The following TRIO variants were observed in gnomAD, a reference collection of about 807,000 sequenced individuals.
TRIO encodes the protein triple functional domain protein.
Under a neutral mutation model 351.9 loss-of-function variants are expected in TRIO, and 58 were observed. The observed-to-expected ratio is 0.16, with a 90% CI of 0.13 to 0.21. The LOEUF (loss-of-function observed/expected upper bound fraction) is 0.21. Ranked by LOEUF, TRIO falls within the 10% of genes least tolerant of loss-of-function variation. The pLI is 1.00. For synonymous variants in TRIO, 1,758 were observed against 1,595.7 expected, an observed-to-expected ratio of 1.10 and a Z score of -2.42; for missense variants, 3,201 against 4,027.8, an observed-to-expected ratio of 0.79 and a Z score of 5.56.
chr5:14,319,911 G>A lies in TRIO; in HGVS notation c.1731+3168G>A, dbSNP rs142360301. On this transcript the variant is annotated intron_variant, in intron 9 of 56. Transcript: ENST00000344204. ...GCGGGGGCCAATTCATAACTTCTGT[G>A]TAGAAGGCATTTTGGATGGTAGTCA... is the stretch of plus-strand genomic sequence containing the variant. Among the ~76,000 whole-genome samples the A allele has an allele frequency of 9.4e-3, 1,425 of 152,292 alleles. 26 individuals carry two copies. The highest frequency in any genetic ancestry group is 0.033 in the African/African-American group (1,356 of 41,556).
intron 1 of TRIO, among the ~76,000 whole-genome samples, chr5:14,200,160 T>C (rs1480669728): frequency 6.6e-6 from 1 of 152,146 alleles, no homozygotes; most frequent in Non-Finnish European, 1.5e-5. Context: ...TACTAGGGGC[T>C]TGGCTTACTG....
At chr5:14,450,134 G>A (rs149317610) in intron 34 of TRIO, among the ~76,000 whole-genome samples, 2 of 152,216 alleles carry the variant, frequency 1.3e-5, no homozygotes, top group South Asian at 2.1e-4. Context: ...TGTGACTTCC[G>A]TTGGCTTGTT....
At chr5:14,434,590 AT>A (rs1288088156) in intron 34 of TRIO, among the ~76,000 whole-genome samples, 1 of 152,188 alleles carries the variant, frequency 6.6e-6, no homozygotes, top group East Asian at 1.9e-4. Context: ...AGCTCCCCCA[AT>A]AGTAACATCT....
chr5:14,407,559 T>G (rs1235748749), intron 33 of TRIO, among the ~76,000 whole-genome samples: 1 of 152,108 alleles, frequency 6.6e-6, no homozygotes, highest in African/African-American at 2.4e-5. Context: ...CTGATGGAAA[T>G]GGGGGCTGTG....
At chr5:14,439,623 G>T (rs187916696) in intron 34 of TRIO, among the ~76,000 whole-genome samples, 6 of 152,266 alleles carry the variant, frequency 3.9e-5, no homozygotes, top group Non-Finnish European at 1.5e-5. Flanking sequence ...AACAAAAGAG[G>T]AGGTTATTTA....
rs73748807 is a variant in TRIO at position 14,327,862 on chromosome 5, G to A, written c.1732-2916G>A. 3.5e-3 allele frequency among the ~76,000 whole-genome samples: 530 copies of A among 152,334 alleles called. 3 individuals carry two copies. Among genetic ancestry groups the A allele is most frequent in the African/African-American group, 0.012 (496 of 41,580 alleles). Reference sequence around the variant, plus strand: ...ATTCTCAAGGCCGAGAGGTCCAGAAGTTGTCCTTGAGACATTTCTTTAGCC... The same window carrying A: ...ATTCTCAAGGCCGAGAGGTCCAGAAATTGTCCTTGAGACATTTCTTTAGCC... On this transcript the variant is annotated intron_variant, in intron 9 of 56. Coordinates refer to ENST00000344204, the MANE Select transcript of TRIO (RefSeq NM_007118.4).
At chr5:14,379,446 G>A (rs1405539592) in intron 20 of TRIO, among the ~76,000 whole-genome samples, 1 of 152,184 alleles carries the variant, frequency 6.6e-6, no homozygotes, top group Non-Finnish European at 1.5e-5. Flanking sequence ...GATGAACTGG[G>A]TTCCTAGGCC....
intron 10 of TRIO, among the ~76,000 whole-genome samples, 188 bp downstream of exon 10, chr5:14,331,088 C>T (rs536666605): frequency 2.0e-5 from 3 of 152,334 alleles, no homozygotes; most frequent in East Asian, 1.9e-4. Context: ...GGTAAGTTGA[C>T]GCTTTCTAAA....
chr5:14,305,627 C>T (rs1432199466), intron 8 of TRIO, among the ~76,000 whole-genome samples: 2 of 152,168 alleles, frequency 1.3e-5, no homozygotes, highest in Non-Finnish European at 2.9e-5. Flanking sequence ...CACATCCAAA[C>T]TTGTCAAAGT....
At chr5:14,227,518 A>G (rs1052508530) in intron 1 of TRIO, among the ~76,000 whole-genome samples, 1 of 152,170 alleles carries the variant, frequency 6.6e-6, no homozygotes, top group African/African-American at 2.4e-5. Context: ...TCTGCTGGGG[A>G]GTACTTTCTT....
chr5:14,287,211 T>A, intron 4 of TRIO, 148 bp downstream of exon 4: 3 of 756,504 alleles, frequency 4.0e-6, no homozygotes, highest in Non-Finnish European at 6.3e-6. Context: ...AATTAGTTAC[T>A]GCATGAAATA....
chr5:14,217,825 T>C (rs551144525), intron 1 of TRIO, among the ~76,000 whole-genome samples: 1 of 152,318 alleles, frequency 6.6e-6, no homozygotes, highest in South Asian at 2.1e-4. Flanking sequence ...ATTCCCAGCC[T>C]GACACATGGC....
intron 9 of TRIO, among the ~76,000 whole-genome samples, chr5:14,328,949 A>C (rs963297759): frequency 2.0e-5 from 3 of 151,936 alleles, no homozygotes; most frequent in Non-Finnish European, 4.4e-5. Context: ...GAGGTTTGTT[A>C]AGGTCTGCAA....
chr5:14,502,458 C>G, intron 53 of TRIO, 121 bp from the exon 54 acceptor site: 1 of 818,114 alleles, frequency 1.2e-6, no homozygotes, highest in East Asian at 2.6e-5. Context: ...CTCGCATGAG[C>G]CGTGTGGCAG....
chr5:14,399,054 A>G lies in TRIO; in HGVS notation c.4598A>G (p.Tyr1533Cys). Residue 1533 changes from tyrosine (Y) to cysteine (C), a missense_variant, in exon 30 of 57, where the codon TAT (tyrosine) becomes TGT (cysteine). Transcript: ENST00000344204. ...TCCAGTGGGAGAAGCAAGTACCTTT[A>G]TAAAAGCAAATTGTTTGTAAGTATA... ...KDSSGRSKYL[Y>C]KSKLFTSELG... The G allele has an allele frequency of 6.2e-7, 1 of 1,614,134 alleles. No homozygotes were observed. The highest frequency in any genetic ancestry group is 8.5e-7 in the Non-Finnish European group (1 of 1,179,958).
At chr5:14,342,245 G>A (rs1742003095) in intron 11 of TRIO, among the ~76,000 whole-genome samples, 1 of 152,226 alleles carries the variant, frequency 6.6e-6, no homozygotes, top group Non-Finnish European at 1.5e-5. Context: ...GGTCCTCACC[G>A]AGTTTGCTCC....
At chr5:14,246,137 C>T (rs988966171) in intron 1 of TRIO, among the ~76,000 whole-genome samples, 3 of 152,168 alleles carry the variant, frequency 2.0e-5, no homozygotes, top group Non-Finnish European at 4.4e-5. Context: ...GCTACAGTTT[C>T]GTTGTATCCT....
chr5:14,507,271 C>A lies in TRIO; in HGVS notation c.8751+11C>A, dbSNP rs367687891. On this transcript the variant is annotated intron_variant, in intron 56 of 56. Transcript: ENST00000344204. ...CACCTGGACCTAAAGGTTGGTGAGG[C>A]CCCGGGCAGGTGAAGGGGGGTCTGA... 4 of 1,610,714 alleles carry A rather than the reference C, an allele frequency of 2.5e-6. No homozygotes were observed. The highest frequency in any genetic ancestry group is 2.7e-5 in the African/African-American group (2 of 74,810).
intron 49 of TRIO, among the ~76,000 whole-genome samples, chr5:14,494,889 A>G (rs950916687): frequency 1.3e-5 from 2 of 152,202 alleles, no homozygotes; most frequent in Non-Finnish European, 2.9e-5. Context: ...GCAGAGTGAG[A>G]CTCTGTCTCA....
Sources: gnomAD v4.1 joint callset for allele counts (sites outside exome capture counted in the v4.1 genomes callset) on GRCh38, gnomAD v4.1.1 for gene constraint, MANE v1.5 for transcripts, NCBI Gene and HGNC (gene_info 2026-07-23, HGNC 2026-07-21) for gene names.